RYR1: variants seen among roughly 807,000 people sequenced by gnomAD.
RYR1 encodes the protein ryanodine receptor 1, also known as central core disease of muscle.
A neutral mutation model predicts 583.5 loss-of-function variants in RYR1; 342 were observed. The observed-to-expected ratio is 0.59, with a 90% CI of 0.54 to 0.64. The LOEUF (loss-of-function observed/expected upper bound fraction) is 0.64. Ranked by LOEUF, RYR1 falls within the 30% of genes least tolerant of loss-of-function variation. The probability of loss-of-function intolerance (pLI) is 0.00; values close to 1 mark genes in which losing one functional copy is unlikely to be tolerated. For synonymous variants in RYR1, 2,791 were observed against 2,822.5 expected, an observed-to-expected ratio of 0.99 and a Z score of 0.35; for missense variants, 6,032 against 6,917.2, an observed-to-expected ratio of 0.87 and a Z score of 4.54.
At chr19:38,585,711 C>T (rs1302205546) in intron 102 of RYR1, among the ~76,000 whole-genome samples, 3 of 151,842 alleles carry the variant, frequency 2.0e-5, no homozygotes, top group Non-Finnish European at 4.4e-5. Context: ...TTGAACTCCT[C>T]ACCTCAGATG....
chr19:38,502,786 C>CAGGGGCAGGGGCAGGGGG, intron 48 of RYR1, 59 bp downstream of exon 48: 3 of 637,278 alleles, frequency 4.7e-6, no homozygotes, highest in Admixed American at 3.9e-5. Context: ...GGGGCAGGGG[C>CAGGGGCAGGGGCAGGGGG]AGGGGCAGGG....
rs997792029 is a variant in RYR1 at position 38,443,769 on chromosome 19, G to A, written c.397G>A (p.Asp133Asn). The A allele has an allele frequency of 3.1e-6, 5 of 1,614,114 alleles. No individual in the cohort carries two copies. The highest frequency in any genetic ancestry group is 8.5e-7 in the Non-Finnish European group (1 of 1,180,002). The change falls in exon 5 of 106, where the codon GAT becomes AAT. Residue 133 changes from aspartate to asparagine, a missense_variant. Transcript: ENST00000359596. The part of the protein sequence containing the change: ...SRSMTDKLAF[D>N]VGLQEDATGE... ...CTCCATGACTGACAAGCTGGCCTTC[G>A]ATGTGGGACTGCAGGAGGACGCAAC...
In RYR1 at chr19:38,499,567, C is replaced by G. The variant is rs1970003751; in HGVS notation, c.7028-68C>G. ...TGTGTTACCCCTGGAGGTGTTGGGT[C>G]CTGGGGCTGCATGGGGAGGTCTCTG... is the stretch of plus-strand genomic sequence containing the variant. On this transcript the variant is annotated intron_variant, in intron 43 of 105. Transcript: ENST00000359596. This position sits in a 1 kb window ranked among gnomAD's most constrained non-coding sequence, Gnocchi z 7.3. The G allele has an allele frequency of 1.3e-6, 2 of 1,557,150 alleles. No homozygotes were observed. Among genetic ancestry groups the G allele is most frequent in the Non-Finnish European group, 1.7e-6 (2 of 1,149,340 alleles).
rs754805734 is a variant in RYR1 at position 38,586,209 on chromosome 19, C to T, written c.14969+18C>T. 1 of 1,608,782 alleles carries T rather than the reference C, an allele frequency of 6.2e-7. No homozygotes were observed. The highest frequency in any genetic ancestry group is 1.1e-5 in the South Asian group (1 of 90,870). Reference sequence around the variant, plus strand: ...AATTACATGTGAGCAGACACACTGGCCAGTCAGGAGGGTGGGGGGCATGGC... The same window carrying T: ...AATTACATGTGAGCAGACACACTGGTCAGTCAGGAGGGTGGGGGGCATGGC... On this transcript the variant is annotated intron_variant, in intron 104 of 105. Coordinates refer to ENST00000359596, the MANE Select transcript of RYR1 (RefSeq NM_000540.3).
chr19:38,488,077 G>A (rs181243471), intron 34 of RYR1, among the ~76,000 whole-genome samples: 5 of 152,098 alleles, frequency 3.3e-5, no homozygotes, highest in East Asian at 1.9e-4. Flanking sequence ...TCAGCCTCCC[G>A]AAGTACTGTG....
intron 27 of RYR1, among the ~76,000 whole-genome samples, chr19:38,470,797 G>A (rs546216129): frequency 2.8e-4 from 43 of 152,292 alleles, no homozygotes; most frequent in African/African-American, 9.6e-4. Flanking sequence ...TTTAAGTATG[G>A]GAACGTCCAG....
chr19:38,527,689 C>T lies in RYR1; in HGVS notation c.10729C>T (p.Arg3577Trp), dbSNP rs538497899. The T allele has an allele frequency of 4.0e-5, 65 of 1,614,126 alleles. No individual in the cohort carries two copies. The East Asian group carries it at 4.7e-4, about 12-fold the overall frequency. ...TCTGCGCTGGCAGATGGCTCTGTAC[C>T]GGGGCGTCCCGGGTCGCGAGGAGGA... ...PSLRWQMALY[R>W]GVPGREEDAD... Residue 3577 changes from arginine to tryptophan, a missense_variant, in exon 73 of 106, where the codon CGG becomes TGG. By Grantham distance (101) the Arg-to-Trp change is moderately radical. Transcript: ENST00000359596.
rs1362109531 is a variant in RYR1 at position 38,466,429 on chromosome 19, C to G, written c.3178+31C>G. The G allele has an allele frequency of 4.6e-6, 7 of 1,536,830 alleles. No homozygotes were observed. The African/African-American group carries it at 8.2e-5, about 18-fold the overall frequency. ...TGCTCACCCCTGGCCCTGGCCCTGA[C>G]TCCTACCCCAACTCTGACCCCAGCC... is the stretch of plus-strand genomic sequence containing the variant. On this transcript the variant is annotated intron_variant, in intron 24 of 105. Transcript: ENST00000359596.
At position 38,452,850 on chromosome 19, in the gene RYR1, G is replaced by A; in HGVS notation, c.1276G>A (p.Gly426Ser). 6.2e-7 allele frequency: 1 copy of A among 1,605,126 alleles called. No homozygotes were observed. ...GGACAGCTTCAGCGGGAAGCCACGG[G>A]GCTCGGGGCCACCCGCTGGCACGGC... Reference protein sequence around the residue: ...SLDSFSGKPRGSGPPAGTALP... With the variant: ...SLDSFSGKPRSSGPPAGTALP... The change falls in exon 13 of 106, where the codon GGC (glycine) becomes AGC (serine). Residue 426 changes from glycine (G) to serine (S), a missense_variant. By Grantham distance (56) the Gly-to-Ser change is moderately conservative. Around this residue, in one of 11 missense-constraint regions of RYR1, gnomAD observed 2,627 missense variants for 2,961.3 expected, o/e 0.89. Transcript: ENST00000359596.
intron 52 of RYR1, 24 bp from the exon 53 acceptor site, chr19:38,505,285 A>T: frequency 6.5e-7 from 1 of 1,546,898 alleles, no homozygotes; most frequent in African/African-American, 1.4e-5. Context: ...CCTCCCCCTC[A>T]CCCTGCCTCC....
At chr19:38,453,100 A>G (rs1391583919) in intron 13 of RYR1, 86 bp downstream of exon 13, 4 of 1,333,008 alleles carry the variant, frequency 3.0e-6, no homozygotes, top group Non-Finnish European at 4.1e-6. Context: ...TGGGCGGGGC[A>G]GGGCCTGAGG....
chr19:38,505,989 G>C (rs774467622), intron 54 of RYR1, 43 bp downstream of exon 54: 4 of 1,594,462 alleles, frequency 2.5e-6, no homozygotes, highest in Non-Finnish European at 3.4e-6. Flanking sequence ...ACGATGGGGG[G>C]AGGGTCTAGA....
At chr19:38,527,818 C>A (rs1235353351) in intron 73 of RYR1, 34 bp downstream of exon 73, 1 of 1,610,932 alleles carries the variant, frequency 6.2e-7, no homozygotes, top group South Asian at 1.1e-5. Context: ...TCTACTGGGT[C>A]TCTGGGCGGA....
At chr19:38,448,862 G>A in intron 11 of RYR1, 49 bp downstream of exon 11, 4 of 1,572,374 alleles carry the variant, frequency 2.5e-6, no homozygotes, top group East Asian at 2.3e-5. Context: ...AGAATCGCTT[G>A]AGTCCAGGAG....
At chr19:38,463,722 G>T in intron 21 of RYR1, 25 bp from the exon 22 acceptor site, 1 of 1,603,936 alleles carries the variant, frequency 6.2e-7, no homozygotes, top group Non-Finnish European at 8.5e-7. Flanking sequence ...GGGAGCACAT[G>T]GAGTTGACCC....
chr19:38,512,005 G>T lies in RYR1; in HGVS notation c.9173-67G>T. 6.5e-7 allele frequency: 1 copy of T among 1,547,108 alleles called. No individual in the cohort carries two copies. Among genetic ancestry groups the T allele is most frequent in the Non-Finnish European group, 8.8e-7 (1 of 1,130,572 alleles). On this transcript the variant is annotated intron_variant, in intron 61 of 105. Transcript: ENST00000359596. The surrounding 1 kb of genome is among the most constrained non-coding windows in gnomAD (Gnocchi z 5.1). ...CAGGAAGAGAGCGGTTGGGGTGGAT[G>T]TAGAGGGAGGCACTGTCCTCTGTCC...
intron 20 of RYR1, among the ~76,000 whole-genome samples, chr19:38,463,148 C>G (rs986298764): frequency 3.0e-5 from 2 of 65,720 alleles, no homozygotes; most frequent in African/African-American, 1.1e-4. Context: ...TCTGCCCCCC[C>G]CCCCCCCACT....
At chr19:38,455,594 G>T (rs771963609) in intron 15 of RYR1, 39 bp from the exon 16 acceptor site, 87 of 1,610,194 alleles carry the variant, frequency 5.4e-5, no homozygotes, top group Non-Finnish European at 7.2e-5. Context: ...GAGGGGATGG[G>T]CATGGCCGCT....
At chr19:38,451,971 C>T (rs1967098027) in intron 12 of RYR1, 86 bp downstream of exon 12, 11 of 1,566,120 alleles carry the variant, frequency 7.0e-6, no homozygotes, top group African/African-American at 1.4e-5. Flanking sequence ...TTCATCTCTA[C>T]CTCTGTTGCC....
Sources: gnomAD v4.1 joint callset for allele counts (sites outside exome capture counted in the v4.1 genomes callset) on GRCh38, gnomAD v4.1.1 for gene constraint, gnomAD v4.1.1 regional missense constraint, Gnocchi (gnomAD v3.1) non-coding constraint, MANE v1.5 for transcripts, NCBI Gene and HGNC (gene_info 2026-07-23, HGNC 2026-07-21) for gene names.